PBRM1: variants seen among roughly 807,000 people sequenced by gnomAD.
PBRM1 encodes the protein protein polybromo-1.
PBRM1 carries 27 observed loss-of-function variants against 194.5 expected under a neutral mutation model. The observed-to-expected ratio is 0.14, with a 90% CI of 0.10 to 0.19. PBRM1 has a LOEUF of 0.19. Ranked by LOEUF, PBRM1 falls within the 10% of genes least tolerant of loss-of-function variation. The pLI is 1.00. For synonymous variants in PBRM1, 655 were observed against 693.2 expected (o/e 0.94, Z 0.87); for missense variants, 1,466 against 2,077.2 (o/e 0.71, Z 5.72).
At chr3:52,587,907 T>TAC (rs1160341958) in intron 18 of PBRM1, among the ~76,000 whole-genome samples, 2 of 152,108 alleles carry the variant, frequency 1.3e-5, no homozygotes, top group African/African-American at 2.4e-5. Flanking sequence ...TATATATATA[T>TAC]ACACCCTCAA....
chr3:52,667,491 G>A (rs889906110), intron 3 of PBRM1, among the ~76,000 whole-genome samples: 10 of 151,960 alleles, frequency 6.6e-5, no homozygotes, highest in Non-Finnish European at 1.2e-4. Flanking sequence ...GGTCGCTCAC[G>A]CCTGTTGTCC....
chr3:52,594,615 T>C (rs952589141), intron 17 of PBRM1, among the ~76,000 whole-genome samples: 1 of 152,234 alleles, frequency 6.6e-6, no homozygotes, highest in Non-Finnish European at 1.5e-5. Flanking sequence ...TGTATGGATC[T>C]GATCTTGTCA....
At chr3:52,595,129 T>C (rs2093429724) in intron 17 of PBRM1, among the ~76,000 whole-genome samples, 1 of 152,216 alleles carries the variant, frequency 6.6e-6, no homozygotes, top group African/African-American at 2.4e-5. Context: ...TCAGAGTTCT[T>C]GTGCTGGTTC....
chr3:52,598,432 T>C (rs1254562378), intron 17 of PBRM1, among the ~76,000 whole-genome samples: 1 of 152,238 alleles, frequency 6.6e-6, no homozygotes, highest in Non-Finnish European at 1.5e-5. Context: ...TTCAAAAAAG[T>C]ATAATCATAC....
intron 20 of PBRM1, among the ~76,000 whole-genome samples, chr3:52,584,019 A>T (rs1269036728): frequency 1.3e-5 from 2 of 152,106 alleles, no homozygotes; most frequent in Non-Finnish European, 2.9e-5. Flanking sequence ...TTTTAAATTT[A>T]AAAAAATCCC....
intron 25 of PBRM1, 58 bp downstream of exon 27, chr3:52,561,709 G>A (rs892935720): frequency 2.1e-6 from 3 of 1,421,936 alleles, no homozygotes; most frequent in South Asian, 1.2e-5. Context: ...GTCTGTGCGC[G>A]TGCATTCCTG....
In PBRM1 at chr3:52,550,831, T is replaced by C; in HGVS notation, c.4610-14A>G. The C allele has an allele frequency of 3.2e-6, 5 of 1,565,772 alleles. No individual in the cohort carries two copies. Among genetic ancestry groups the C allele is most frequent in the Non-Finnish European group, 4.4e-6 (5 of 1,136,688 alleles). ...GGTTCATCACACCTATAATTCAGAA[T>C]GCAATGGCACAGTTAGAGGCTCTGG... On this transcript the variant is annotated splice_polypyrimidine_tract_variant and intron_variant, in intron 27 of 29. Transcript: ENST00000296302.
exon 5 of PBRM1, chr3:52,658,238 A>G: frequency 1.2e-6 from 2 of 1,611,932 alleles, no homozygotes; most frequent in African/African-American, 2.7e-5. Context: ...CGCTAATGAG[A>G]CGTCCTGATG....
intron 4 of PBRM1, among the ~76,000 whole-genome samples, chr3:52,658,919 ATGAGCAAC>A (rs1438499118): frequency 6.6e-6 from 1 of 152,212 alleles, no homozygotes; most frequent in East Asian, 1.9e-4. Flanking sequence ...CAAATGTGAA[ATGAGCAAC>A]TGAGCAGGAG....
intron 1 of PBRM1, among the ~76,000 whole-genome samples, chr3:52,679,135 T>C (rs553110178): frequency 1.3e-5 from 2 of 152,338 alleles, no homozygotes; most frequent in South Asian, 4.1e-4. Context: ...GGAACTCTCT[T>C]CCAGCGAATT....
chr3:52,661,596 T>C (rs1008278203), intron 4 of PBRM1, among the ~76,000 whole-genome samples: 14 of 152,080 alleles, frequency 9.2e-5, no homozygotes, highest in African/African-American at 3.4e-4. Context: ...GAAAGTCCTG[T>C]CTCAGTAGAC....
At chr3:52,624,904 G>A in intron 13 of PBRM1, 3 of 1,543,908 alleles carry the variant, frequency 1.9e-6, no homozygotes, top group South Asian at 1.2e-5. Context: ...CACCTGGATA[G>A]CCTCCTGAGA....
intron 12 of PBRM1, among the ~76,000 whole-genome samples, chr3:52,627,712 C>T (rs571333639): frequency 1.3e-5 from 2 of 152,318 alleles, no homozygotes; most frequent in South Asian, 4.1e-4. Context: ...CAAAGAGGGC[C>T]TTTGGTACTC....
intron 22 of PBRM1, among the ~76,000 whole-genome samples, chr3:52,567,581 AG>A (rs1480208905): frequency 2.0e-5 from 3 of 148,198 alleles, no homozygotes; most frequent in Non-Finnish European, 3.0e-5. Context: ...AAAAAAAAAA[AG>A]AAAAAAGAAA....
intron 17 of PBRM1, among the ~76,000 whole-genome samples, chr3:52,592,713 A>G (rs1407851269): frequency 6.6e-6 from 1 of 152,170 alleles, no homozygotes; most frequent in Non-Finnish European, 1.5e-5. Context: ...GTTATTTGGA[A>G]CAGTTTCAGT....
chr3:52,552,602 G>T (rs906757656), intron 27 of PBRM1, among the ~76,000 whole-genome samples: 2 of 152,154 alleles, frequency 1.3e-5, no homozygotes, highest in Non-Finnish European at 2.9e-5. Flanking sequence ...TTCTAAGCAG[G>T]TGTGTTGGGC....
intron 11 of PBRM1, among the ~76,000 whole-genome samples, 175 bp from the exon 13 acceptor site, chr3:52,629,210 A>G (rs1361902487): frequency 1.3e-5 from 2 of 152,228 alleles, no homozygotes; most frequent in Non-Finnish European, 2.9e-5. Context: ...AAGCACCATT[A>G]CATTAAGGTA....
chr3:52,553,365 G>A (rs1258895095), intron 27 of PBRM1, among the ~76,000 whole-genome samples: 1 of 152,084 alleles, frequency 6.6e-6, no homozygotes, highest in Non-Finnish European at 1.5e-5. Context: ...AAGTGAAAAT[G>A]AATGTCGCTA....
chr3:52,609,396 A>T lies in PBRM1; in HGVS notation c.2484T>A (p.Asn828Lys). 1.2e-6 allele frequency: 2 copies of T among 1,613,846 alleles called. No homozygotes were observed. The highest frequency in any genetic ancestry group is 8.5e-7 in the Non-Finnish European group (1 of 1,179,708). The stretch of plus-strand genomic sequence containing the variant: ...GCCGACGGTAGCGATTATTTTCAAC[A>T]TTCTTCCTAATTATGTCAAATGTAA... The change falls in exon 16 of 30, where the codon AAT (asparagine) becomes AAA (lysine). Residue 828 changes from asparagine to lysine, a missense_variant. By Grantham distance (94) the Asn-to-Lys change is moderately conservative. Around this residue, in one of 5 missense-constraint regions of PBRM1, gnomAD observed 687 missense variants for 946.2 expected, o/e 0.73. Transcript: ENST00000296302. This position sits in a 1 kb window ranked among gnomAD's most constrained non-coding sequence, Gnocchi z 4.1.
Sources: gnomAD v4.1 joint callset for allele counts (sites outside exome capture counted in the v4.1 genomes callset) on GRCh38, gnomAD v4.1.1 for gene constraint, gnomAD v4.1.1 regional missense constraint, Gnocchi (gnomAD v3.1) non-coding constraint, MANE v1.5 for transcripts, NCBI Gene and HGNC (gene_info 2026-07-23, HGNC 2026-07-21) for gene names.